TEKT2: variants seen among roughly 807,000 people sequenced by gnomAD.
TEKT2 encodes the protein tektin-2.
TEKT2 carries 45 observed loss-of-function variants against 49.8 expected under a neutral mutation model. That is an observed-to-expected ratio of 0.90 (90% CI 0.71 to 1.16). The LOEUF is 1.16. Among genes scored for constraint, TEKT2 ranks in the 50% most tolerant of loss-of-function variants. TEKT2 has a pLI of 0.00. For synonymous variants in TEKT2, 202 were observed against 224.6 expected (o/e 0.90, Z 0.90); for missense variants, 523 against 551.4 (o/e 0.95, Z 0.52).
Position 36,084,584 on chromosome 1 carries a change from G to A in TEKT2, c.-52-286G>A. ...TTTCTGCCATCCGCCTACCCCCCAG[G>A]CATTTGGCACTTCACACACACTTCG... On this transcript the variant is annotated intron_variant, in intron 1 of 9. Transcript: ENST00000207457. The surrounding 1 kb of genome is among the most constrained non-coding windows in gnomAD (Gnocchi z 4.1). The A allele has an allele frequency of 2.3e-6, 1 of 432,622 alleles. No individual in the cohort carries two copies. Among genetic ancestry groups the A allele is most frequent in the Non-Finnish European group, 4.3e-6 (1 of 235,230 alleles). 26.8% of individuals were successfully genotyped at this position (432,622 alleles called of 1,614,324 possible). A position where few individuals can be genotyped will look rare whatever the true frequency, so the allele number is the denominator to read the frequency against.
Position 36,088,148 on chromosome 1 carries a change from C to A in TEKT2, c.1255C>A (p.Leu419Met). The change falls in exon 10 of 10, where the codon CTG becomes ATG. Residue 419 changes from leucine (L) to methionine (M), a missense_variant. Leu to Met is a conservative substitution (Grantham distance 15, BLOSUM62 2). Transcript: ENST00000207457. The stretch of plus-strand genomic sequence containing the variant: ...CTTCACACGTACCACAAATAGCACC[C>A]TGAGTCCACTCAAAAGCTGCCAGCT... ...DTFTRTTNST[L>M]SPLKSCQLEL... 1 of 1,612,856 alleles carries A rather than the reference C, an allele frequency of 6.2e-7. No homozygotes were observed. Among genetic ancestry groups the A allele is most frequent in the Non-Finnish European group, 8.5e-7 (1 of 1,179,920 alleles).
At chr1:36,086,062 C>T (rs1227349122) in intron 4 of TEKT2, 21 bp downstream of exon 4, 1 of 1,558,336 alleles carries the variant, frequency 6.4e-7, no homozygotes, top group Non-Finnish European at 8.7e-7. Flanking sequence ...GGCAGGTCGT[C>T]CGCATGTTCA....
rs1006210397 is a variant in TEKT2, at chr1:36,085,665, G to A, written c.283-171G>A. The A allele has an allele frequency of 4.8e-5, 34 of 709,956 alleles. No homozygotes were observed. The East Asian group carries it at 5.7e-4, about 12-fold the overall frequency. 44.0% of individuals were successfully genotyped at this position (709,956 alleles called of 1,614,324 possible). A position where few individuals can be genotyped will look rare whatever the true frequency, so the allele number is the denominator to read the frequency against. ...GAGTAAAGTAGCTGGGACTACAGGC[G>A]TGCGCCATCACTCCCAGCTAATTTT... On this transcript the variant is annotated intron_variant, in intron 3 of 9. Coordinates refer to ENST00000207457, the MANE Select transcript of TEKT2 (RefSeq NM_014466.3).
In TEKT2 at chr1:36,087,939, T is replaced by C; in HGVS notation, c.1080-34T>C. ...ACGCAGCCCAGGCCTCCCAGCCTCATGGGGGCTGGGGGGTTGTCAATGTCC... is the reference window on the plus strand; with the variant it reads ...ACGCAGCCCAGGCCTCCCAGCCTCACGGGGGCTGGGGGGTTGTCAATGTCC... On this transcript the variant is annotated intron_variant, in intron 9 of 9. Transcript: ENST00000207457. The surrounding 1 kb of genome is among the most constrained non-coding windows in gnomAD (Gnocchi z 4.9). 1 of 1,595,444 alleles carries C rather than the reference T, an allele frequency of 6.3e-7. No homozygotes were observed. The highest frequency in any genetic ancestry group is 8.5e-7 in the Non-Finnish European group (1 of 1,169,844).
rs1643388606 is a variant in TEKT2, at chr1:36,087,008, C to G, written c.710C>G (p.Thr237Arg). The G allele has an allele frequency of 6.2e-7, 1 of 1,614,064 alleles. No individual in the cohort carries two copies. Among genetic ancestry groups the G allele is most frequent in the African/African-American group, 1.3e-5 (1 of 75,054 alleles). ...DRAEAEMKAA[T>R]ELREATALTI... is the part of the protein sequence containing the mutation. Reference sequence around the variant, plus strand: ...GCGGAGGCTGAGATGAAGGCAGCCACAGAGCTGAGGGAGGCCACTGCTCTA... The same window carrying G: ...GCGGAGGCTGAGATGAAGGCAGCCAGAGAGCTGAGGGAGGCCACTGCTCTA... Residue 237 changes from threonine to arginine, a missense_variant, in exon 6 of 10, where the codon ACA (threonine) becomes AGA (arginine). Thr to Arg is a moderately conservative substitution (Grantham distance 71, BLOSUM62 -1). Coordinates refer to ENST00000207457, the MANE Select transcript of TEKT2 (RefSeq NM_014466.3). The surrounding 1 kb of genome is among the most constrained non-coding windows in gnomAD (Gnocchi z 4.9).
At chr1:36,086,431 G>A (rs566666760) in intron 4 of TEKT2, among the ~76,000 whole-genome samples, 22 of 152,180 alleles carry the variant, frequency 1.4e-4, no homozygotes, top group African/African-American at 5.1e-4. Flanking sequence ...CTGCGGGTGT[G>A]TAGGACGCGT....
At chr1:36,086,604 G>T in intron 4 of TEKT2, 100 bp from the exon 5 acceptor site, 1 of 1,519,944 alleles carries the variant, frequency 6.6e-7, no homozygotes, top group Admixed American at 1.7e-5. Flanking sequence ...TGCTGGGAAG[G>T]GTCACCCCAG....
chr1:36,086,461 G>C (rs778654181), intron 4 of TEKT2, among the ~76,000 whole-genome samples: 1 of 151,380 alleles, frequency 6.6e-6, no homozygotes, highest in African/African-American at 2.4e-5. Context: ...ATTTTCATCC[G>C]ATTTTCATCC....
intron 3 of TEKT2, 80 bp downstream of exon 3, chr1:36,085,368 G>A: frequency 1.9e-6 from 3 of 1,603,618 alleles, no homozygotes; most frequent in South Asian, 2.2e-5. Flanking sequence ...AGAAGCCCTT[G>A]ATGGGGGGTC....
rs368518219 is a variant in TEKT2 at position 36,087,036 on chromosome 1, T to C, written c.738T>C (p.Thr246=). The change falls in exon 6 of 10, where the codon ACT becomes ACC. Residue 246 remains threonine (T), a synonymous_variant. Transcript: ENST00000207457. The surrounding 1 kb of genome is among the most constrained non-coding windows in gnomAD (Gnocchi z 4.9). ...AGCTGAGGGAGGCCACTGCTCTAAC[T>C]ATTGCTGAGGTGACAGGCCACCCAC... ...ATELREATAL[T]IAETNNELEA... is the part of the protein sequence containing the mutation. The C allele has an allele frequency of 6.2e-7, 1 of 1,613,894 alleles. No individual in the cohort carries two copies. Among genetic ancestry groups the C allele is most frequent in the Non-Finnish European group, 8.5e-7 (1 of 1,179,970 alleles).
In TEKT2 at chr1:36,087,265, G is replaced by A. The variant is rs777665669; in HGVS notation, c.809G>A (p.Arg270Gln). The part of the protein sequence containing the change: ...ATEFAFRKRL[R>Q]EMEKVYSELK... ...GAATTTGCCTTCAGGAAGCGGCTGC[G>A]GGAGATGGAGAAAGTGTACAGTGAG... The change falls in exon 7 of 10, where the codon CGG becomes CAG. Residue 270 changes from arginine to glutamine, a missense_variant. By Grantham distance (43) the Arg-to-Gln change is conservative. Transcript: ENST00000207457. This position sits in a 1 kb window ranked among gnomAD's most constrained non-coding sequence, Gnocchi z 4.9. 6 of 1,614,120 alleles carry A rather than the reference G, an allele frequency of 3.7e-6. No individual in the cohort carries two copies. The Admixed American group carries it at 5.0e-5, about 13-fold the overall frequency.
chr1:36,085,842 GA>G lies in TEKT2; in HGVS notation c.290del (p.Glu97GlyfsTer21), dbSNP rs758928977. ...GCCGCGCCCTCTTTTCTAGATGAAG[GA>G]GTCAGCAGAGCAAAACCTGCAGGCC... is the stretch of plus-strand genomic sequence containing the variant. ...AEIDALTQMK[E>X]SAEQNLQAKN... On this transcript the variant is annotated frameshift_variant, in exon 4 of 10. Coordinates refer to ENST00000207457, the MANE Select transcript of TEKT2 (RefSeq NM_014466.3). LOFTEE classifies it high-confidence loss of function. The G allele has an allele frequency of 2.0e-5, 33 of 1,613,568 alleles. No individual in the cohort carries two copies. The East Asian group carries it at 7.1e-4, about 35-fold the overall frequency.
In TEKT2 at chr1:36,086,748, G is replaced by A; in HGVS notation, c.533G>A (p.Gly178Asp). 6.2e-7 allele frequency: 1 copy of A among 1,614,076 alleles called. No individual in the cohort carries two copies. Among genetic ancestry groups the A allele is most frequent in the Non-Finnish European group, 8.5e-7 (1 of 1,180,034 alleles). ...VQQQLNSDHR[G>D]KMETLEIDRG... ...CAGCAGCTCAACTCCGACCATCGGG[G>A]CAAAATGGAGACACTAGAGATCGAC... Residue 178 changes from glycine (G) to aspartate (D), a missense_variant, in exon 5 of 10, where the codon GGC (glycine) becomes GAC (aspartate). Gly to Asp is a moderately conservative substitution (Grantham distance 94, BLOSUM62 -1). Coordinates refer to ENST00000207457, the MANE Select transcript of TEKT2 (RefSeq NM_014466.3).
chr1:36,086,925 C>G lies in TEKT2; in HGVS notation c.633-6C>G. ...TCATGACCCCCATTTTCCCTGCCAC[C>G]TGCAGCTCCACCACACTCCAGCAGT... is the stretch of plus-strand genomic sequence containing the variant. On this transcript the variant is annotated splice_polypyrimidine_tract_variant and splice_region_variant and intron_variant, in intron 5 of 9. Transcript: ENST00000207457. 4 of 1,613,936 alleles carry G rather than the reference C, an allele frequency of 2.5e-6. No individual in the cohort carries two copies. Among genetic ancestry groups the G allele is most frequent in the Non-Finnish European group, 2.5e-6 (3 of 1,180,022 alleles).
intron 4 of TEKT2, 150 bp from the exon 5 acceptor site, chr1:36,086,554 T>C: frequency 2.9e-6 from 3 of 1,042,460 alleles, no homozygotes; most frequent in South Asian, 2.6e-5. Context: ...CATCCAGCTG[T>C]GCTGCTCTTG....
chr1:36,087,383 G>A lies in TEKT2; in HGVS notation c.856-56G>A. Reference sequence around the variant, plus strand: ...CGCATGCCCCCGCCAGGAGGCACTGGACCAGGCATGCACGTGAGTCCAGCA... The same window carrying A: ...CGCATGCCCCCGCCAGGAGGCACTGAACCAGGCATGCACGTGAGTCCAGCA... On this transcript the variant is annotated intron_variant, in intron 7 of 9. Coordinates refer to ENST00000207457, the MANE Select transcript of TEKT2 (RefSeq NM_014466.3). The surrounding 1 kb of genome is among the most constrained non-coding windows in gnomAD (Gnocchi z 4.9). The A allele has an allele frequency of 6.2e-7, 1 of 1,613,858 alleles. No individual in the cohort carries two copies.
At chr1:36,085,349 G>A in intron 3 of TEKT2, 61 bp downstream of exon 3, 4 of 1,610,008 alleles carry the variant, frequency 2.5e-6, no homozygotes, top group Non-Finnish European at 2.5e-6. Flanking sequence ...CTTCCCCACA[G>A]CTAGGTTGAG....
rs573054385 is a variant in TEKT2, at chr1:36,085,194, G to A, written c.188G>A (p.Arg63Gln). The change falls in exon 3 of 10, where the codon CGA becomes CAA. Residue 63 changes from arginine (R) to glutamine (Q), a missense_variant. Coordinates refer to ENST00000207457, the MANE Select transcript of TEKT2 (RefSeq NM_014466.3). The stretch of plus-strand genomic sequence containing the variant: ...TGGGATGAACATGACAACAGGACTC[G>A]ACTGGTGGAGAGGATTGATACTGTC... ...TIWDEHDNRTRLVERIDTVNR... is the reference protein window; with the variant it reads ...TIWDEHDNRTQLVERIDTVNR... 9 of 1,614,214 alleles carry A rather than the reference G, an allele frequency of 5.6e-6. No individual in the cohort carries two copies. Among genetic ancestry groups the A allele is most frequent in the South Asian group, 1.1e-5 (1 of 91,092 alleles).
chr1:36,085,568 G>A, intron 3 of TEKT2: 6 of 501,854 alleles, frequency 1.2e-5, no homozygotes, highest in Non-Finnish European at 1.7e-5. Flanking sequence ...AGGCTGGAGT[G>A]CAGTGGTGTG....
Sources: gnomAD v4.1 joint callset for allele counts (sites outside exome capture counted in the v4.1 genomes callset) on GRCh38, gnomAD v4.1.1 for gene constraint, Gnocchi (gnomAD v3.1) non-coding constraint, MANE v1.5 for transcripts, NCBI Gene and HGNC (gene_info 2026-07-23, HGNC 2026-07-21) for gene names.